Variants in CLEC3A observed in about 807,000 individuals in gnomAD.
CLEC3A encodes the protein C-type lectin domain family 3 member A, also known as C-type (calcium dependent, carbohydrate-recognition domain) lectin, superfamily member 1 (cartilage-derived).
Under a neutral mutation model 20.4 loss-of-function variants are expected in CLEC3A, and 28 were observed. The ratio of observed to expected loss-of-function variants is 1.37; its 90% CI spans 1.02 to 1.88. The LOEUF is 1.88. CLEC3A is among the 40% of genes most tolerant of loss of function. The pLI, the probability that CLEC3A is intolerant of heterozygous loss-of-function variation, is 0.00. For missense variants in CLEC3A, 357 were observed against 240.4 expected (o/e 1.48, Z -3.21); for synonymous variants, 110 against 88.1 (o/e 1.25, Z -1.39).
chr16:78,026,236 G>A (rs1007583129), intron 1 of CLEC3A, among the ~76,000 whole-genome samples: 2 of 152,176 alleles, frequency 1.3e-5, no homozygotes, highest in Non-Finnish European at 1.5e-5. Flanking sequence ...TAACCCAAAT[G>A]AGGAAACATC....
rs1360168213 is a variant in CLEC3A, at chr16:78,030,751, C to G, written c.504C>G (p.Val168=). The part of the protein sequence containing the change: ...QPNGGKRENC[V]LFSQSAQGKW... The stretch of plus-strand genomic sequence containing the variant: ...ACGGTGGCAAGCGAGAAAACTGTGT[C>G]CTGTTCTCCCAATCAGCTCAGGGCA... The change falls in exon 3 of 3, where the codon GTC becomes GTG. Residue 168 remains valine (V), a synonymous_variant. Coordinates refer to ENST00000299642, the MANE Select transcript of CLEC3A (RefSeq NM_005752.6). The G allele has an allele frequency of 3.7e-6, 6 of 1,614,134 alleles. No homozygotes were observed. Among genetic ancestry groups the G allele is most frequent in the Middle Eastern group, 1.6e-4 (1 of 6,062 alleles).
At chr16:78,030,275 CTTAAT>C (rs2030053418) in intron 2 of CLEC3A, among the ~76,000 whole-genome samples, 167 bp from the exon 3 acceptor site, 1 of 151,554 alleles carries the variant, frequency 6.6e-6, no homozygotes, top group Non-Finnish European at 1.5e-5. Flanking sequence ...GATTATGTAA[CTTAAT>C]TTATGTAAAA....
At chr16:78,027,467 A>C (rs1567543653) in intron 1 of CLEC3A, among the ~76,000 whole-genome samples, 1 of 152,202 alleles carries the variant, frequency 6.6e-6, no homozygotes, top group African/African-American at 2.4e-5. Context: ...GATTGAGCTC[A>C]TTCTCAGATG....
At chr16:78,022,944 T>A (rs11861024) in intron 1 of CLEC3A, among the ~76,000 whole-genome samples, 4,966 of 151,216 alleles carry the variant, frequency 0.033, 105 homozygotes, top group African/African-American at 0.069. Context: ...TGCTGGGTTT[T>A]AAAAAAAAAC....
chr16:78,030,129 G>C (rs1044138413), intron 2 of CLEC3A, among the ~76,000 whole-genome samples: 1 of 141,884 alleles, frequency 7.0e-6, no homozygotes, highest in African/African-American at 2.6e-5. Context: ...CTCCAGCCTG[G>C]GCGACAGAGC....
At position 78,030,469 on chromosome 16, in the gene CLEC3A, T is replaced by A; in HGVS notation, c.222T>A (p.Val74=). Residue 74 remains valine (V), a synonymous_variant, in exon 3 of 3, where the codon GTT becomes GTA. Transcript: ENST00000299642. ...LQTVCLRGTK[V]HKKCYLASEG... ...CAGTCTGTCTCCGAGGCACTAAAGT[T>A]CACAAGAAATGCTACCTTGCTTCAG... 2 of 1,608,956 alleles carry A rather than the reference T, an allele frequency of 1.2e-6. No homozygotes were observed. Among genetic ancestry groups the A allele is most frequent in the South Asian group, 2.2e-5 (2 of 90,600 alleles).
intron 1 of CLEC3A, among the ~76,000 whole-genome samples, chr16:78,023,727 T>C (rs533700399): frequency 5.3e-5 from 8 of 152,056 alleles, no homozygotes; most frequent in African/African-American, 1.9e-4. Context: ...GGGACATTTA[T>C]TTACAAAATT....
intron 1 of CLEC3A, among the ~76,000 whole-genome samples, chr16:78,027,292 G>A (rs760217543): frequency 2.6e-5 from 4 of 152,138 alleles, no homozygotes; most frequent in Non-Finnish European, 5.9e-5. Flanking sequence ...TGAGACTAGA[G>A]AATGAAGAAA....
chr16:78,028,080 C>A (rs188623832), intron 1 of CLEC3A, 27 bp from the exon 2 acceptor site: 1 of 1,488,072 alleles, frequency 6.7e-7, no homozygotes, highest in Non-Finnish European at 9.3e-7. Flanking sequence ...ATCCACCTAC[C>A]CCATCCCACC....
chr16:78,023,662 C>T (rs2018777107), intron 1 of CLEC3A, among the ~76,000 whole-genome samples: 1 of 151,914 alleles, frequency 6.6e-6, no homozygotes, highest in African/African-American at 2.4e-5. Flanking sequence ...TGACAGATGG[C>T]TGGTGGGTAA....
intron 1 of CLEC3A, among the ~76,000 whole-genome samples, chr16:78,023,615 A>T (rs1418172203): frequency 6.6e-6 from 1 of 152,164 alleles, no homozygotes; most frequent in Non-Finnish European, 1.5e-5. Flanking sequence ...CAACACACAC[A>T]TACACAAATT....
At position 78,030,888 on chromosome 16, in the gene CLEC3A, G is replaced by A. The variant is rs751063240; in HGVS notation, c.*47G>A. 3.5e-5 allele frequency: 53 copies of A among 1,532,906 alleles called. No homozygotes were observed. Among genetic ancestry groups the A allele is most frequent in the Non-Finnish European group, 4.3e-5 (49 of 1,138,816 alleles). 95.0% of individuals were successfully genotyped at this position (1,532,906 alleles called of 1,614,324 possible). A position where few individuals can be genotyped will look rare whatever the true frequency, so the allele number is the denominator to read the frequency against. On this transcript the variant is annotated 3_prime_UTR_variant, in exon 3 of 3. Coordinates refer to ENST00000299642, the MANE Select transcript of CLEC3A (RefSeq NM_005752.6). ...CAAGCAAGATTCATCATAACTTATA[G>A]GTTCATGATCTCTAAGATCAAGTAA... is the stretch of plus-strand genomic sequence containing the variant.
At chr16:78,029,800 G>A (rs1006468610) in intron 2 of CLEC3A, among the ~76,000 whole-genome samples, 7 of 151,980 alleles carry the variant, frequency 4.6e-5, no homozygotes, top group Non-Finnish European at 1.0e-4. Flanking sequence ...CCATGTCTTG[G>A]GATAGGGCAG....
At chr16:78,030,152 C>CAAAA (rs56784347) in intron 2 of CLEC3A, among the ~76,000 whole-genome samples, 1,157 of 100,202 alleles carry the variant, frequency 0.012, 35 homozygotes, top group African/African-American at 0.045. Flanking sequence ...GACTCCAACT[C>CAAAA]AAAAAAAAAA....
rs760973269 is a variant in CLEC3A, at chr16:78,030,731, G to A, written c.484G>A (p.Gly162Ser). 9 of 1,614,004 alleles carry A rather than the reference G, an allele frequency of 5.6e-6. No individual in the cohort carries two copies. The highest frequency in any genetic ancestry group is 2.2e-5 in the East Asian group (1 of 44,888). The change falls in exon 3 of 3, where the codon GGC (glycine) becomes AGC (serine). Residue 162 changes from glycine to serine, a missense_variant. Physicochemically the swap from Gly to Ser is moderately conservative, Grantham distance 56 (BLOSUM62 0). Transcript: ENST00000299642. ...CTGGGACCGTGCACAGCCTAACGGT[G>A]GCAAGCGAGAAAACTGTGTCCTGTT... Reference protein sequence around the residue: ...LNWDRAQPNGGKRENCVLFSQ... With the variant: ...LNWDRAQPNGSKRENCVLFSQ...
chr16:78,027,559 G>A (rs1320975339), intron 1 of CLEC3A, among the ~76,000 whole-genome samples: 1 of 152,202 alleles, frequency 6.6e-6, no homozygotes. Context: ...GGACCTTCTA[G>A]TATTATGATT....
At chr16:78,030,390 C>T (rs1163761302) in intron 2 of CLEC3A, 57 bp from the exon 3 acceptor site, 2 of 1,469,730 alleles carry the variant, frequency 1.4e-6, no homozygotes, top group Non-Finnish European at 1.8e-6. Flanking sequence ...CAGGTCCAGC[C>T]CTAGTCATAA....
At position 78,028,163 on chromosome 16, in the gene CLEC3A, T is replaced by G. The variant is rs536236942; in HGVS notation, c.172T>G (p.Leu58Val). ...IEKLWTEVNA[L>V]KEIQALQTVC... ...AAAGCTCTGGACAGAAGTCAATGCCTTGAAGGAAATTCAAGCCCTGCAGAC... is the reference window on the plus strand; with the variant it reads ...AAAGCTCTGGACAGAAGTCAATGCCGTGAAGGAAATTCAAGCCCTGCAGAC... Residue 58 changes from leucine to valine, a missense_variant, in exon 2 of 3, where the codon TTG becomes GTG. Coordinates refer to ENST00000299642, the MANE Select transcript of CLEC3A (RefSeq NM_005752.6). The G allele has an allele frequency of 9.9e-6, 16 of 1,610,548 alleles. No homozygotes were observed. In the South Asian group the frequency reaches 1.7e-4, roughly 17 times the overall value.
In CLEC3A at chr16:78,026,009, G is replaced by A. The variant is rs1416366130; in HGVS notation, c.116-2098G>A. Among the ~76,000 whole-genome samples the A allele has an allele frequency of 2.6e-5, 4 of 152,206 alleles. No individual in the cohort carries two copies. The East Asian group carries it at 5.8e-4, about 22-fold the overall frequency. On this transcript the variant is annotated intron_variant, in intron 1 of 2. Transcript: ENST00000299642. Reference sequence around the variant, plus strand: ...GTGACAGCTTATACCTTGGAAGAAAGTGTTCAGCAGTCTTTGCAAGCCCGG... The same window carrying A: ...GTGACAGCTTATACCTTGGAAGAAAATGTTCAGCAGTCTTTGCAAGCCCGG...
Sources: allele counts gnomAD v4.1 joint callset (sites outside exome capture counted in the v4.1 genomes callset), GRCh38; gene constraint gnomAD v4.1.1; transcripts MANE v1.5; gene names NCBI Gene and HGNC (gene_info 2026-07-23, HGNC 2026-07-21).